LPP: variants seen among roughly 807,000 people sequenced by gnomAD.
LPP encodes LIM domain containing preferred translocation partner in lipoma.
In LPP, 38 loss-of-function variants were observed where a neutral mutation model predicts 60.4. That is an observed-to-expected ratio of 0.63 (90% CI 0.49 to 0.83). The LOEUF is 0.83. Ranked by LOEUF, LPP falls within the 40% of genes least tolerant of loss-of-function variation. LPP has a pLI of 0.00. For missense variants in LPP, 902 were observed against 783.6 expected (o/e 1.15, Z -1.80); for synonymous variants, 328 against 290.8 (o/e 1.13, Z -1.30).
At chr3:188,336,666 G>T (rs1392463155) in intron 2 of LPP, among the ~76,000 whole-genome samples, 1 of 152,156 alleles carries the variant, frequency 6.6e-6, no homozygotes, top group Non-Finnish European at 1.5e-5. Context: ...GCACAGTGGT[G>T]GCTGTATGCC....
chr3:188,600,828 G>A (rs1185127143), intron 6 of LPP, among the ~76,000 whole-genome samples: 1 of 147,866 alleles, frequency 6.8e-6, no homozygotes, highest in African/African-American at 2.6e-5. Context: ...TTTTGTTTTT[G>A]TAACTGGCTT....
intron 9 of LPP, among the ~76,000 whole-genome samples, chr3:188,772,047 G>T (rs1268063570): frequency 6.6e-6 from 1 of 152,188 alleles, no homozygotes; most frequent in African/African-American, 2.4e-5. Context: ...GGACAGCAGG[G>T]AGTTGGGAGG....
At chr3:188,577,774 T>TTCCTTCCTTCCTTCCG in intron 6 of LPP, among the ~76,000 whole-genome samples, 1 of 136,694 alleles carries the variant, frequency 7.3e-6, no homozygotes, top group Non-Finnish European at 1.6e-5. Context: ...CCTTCCTTCC[T>TTCCTTCCTTCCTTCCG]TCCTTCTGTC....
At chr3:188,181,182 G>A (rs1160335534) in intron 1 of LPP, among the ~76,000 whole-genome samples, 4 of 151,828 alleles carry the variant, frequency 2.6e-5, no homozygotes, top group East Asian at 1.9e-4. Context: ...GTGAAACCCC[G>A]TCTCTACTAA....
At chr3:188,208,874 G>GAAT (rs150599025) in intron 1 of LPP, among the ~76,000 whole-genome samples, 5,765 of 152,204 alleles carry the variant, frequency 0.038, 142 homozygotes, top group South Asian at 0.076. Context: ...TTTGTCTTGC[G>GAAT]AATGACCTCA....
chr3:188,270,779 A>T (rs74702706), intron 2 of LPP, among the ~76,000 whole-genome samples: 1 of 152,152 alleles, frequency 6.6e-6, no homozygotes, highest in Admixed American at 6.5e-5. Flanking sequence ...GGAACAGTTT[A>T]TTTTCCCTTT....
rs10708836 is a variant in LPP, at chr3:188,318,753, CTTT to C, written c.-66-22889_-66-22887del. Among the ~76,000 whole-genome samples, 47 of 96,838 alleles carry C rather than the reference CTTT, an allele frequency of 4.9e-4. 1 individual carries two copies. The highest frequency in any genetic ancestry group is 1.7e-3 in the African/African-American group (35 of 20,490). 63.5% of individuals were successfully genotyped at this position (96,838 alleles called of 152,430 possible). A position where few individuals can be genotyped will look rare whatever the true frequency, so the allele number is the denominator to read the frequency against. On this transcript the variant is annotated intron_variant, in intron 2 of 11. Coordinates refer to ENST00000617246, the MANE Select transcript of LPP (RefSeq NM_001375462.1). ...AAAAAATTGAAAAAAAATTATGATT[CTTT>C]TTTTTTTTTTTTTTTTTTTTGAGAC... is the stretch of plus-strand genomic sequence containing the variant.
In LPP at chr3:188,380,814, A is replaced by G. The variant is rs143030570; in HGVS notation, c.-9-25298A>G. On this transcript the variant is annotated intron_variant, in intron 3 of 11. Transcript: ENST00000617246. ...GAAGAATCATTTATCCACCAACAAT[A>G]TTGAACTTTTATTGAGTATTTACAC... Among the ~76,000 whole-genome samples, 7 of 152,370 alleles carry G rather than the reference A, an allele frequency of 4.6e-5. No individual in the cohort carries two copies. In the East Asian group the frequency reaches 1.3e-3, roughly 29 times the overall value.
chr3:188,512,465 T>C (rs1479985142), intron 5 of LPP, among the ~76,000 whole-genome samples: 1 of 122,710 alleles, frequency 8.1e-6, no homozygotes, highest in Non-Finnish European at 1.9e-5. Flanking sequence ...GGCAGGAGAA[T>C]TGCTTGAACC....
intron 2 of LPP, among the ~76,000 whole-genome samples, chr3:188,276,548 G>GTGGA (rs1739772205): frequency 6.6e-6 from 1 of 152,168 alleles, no homozygotes; most frequent in Non-Finnish European, 1.5e-5. Context: ...AGTGCTGGAG[G>GTGGA]TGGAGTCTGG....
chr3:188,728,346 T>C (rs1241574397), intron 8 of LPP, among the ~76,000 whole-genome samples: 1 of 152,310 alleles, frequency 6.6e-6, no homozygotes, highest in East Asian at 1.9e-4. Flanking sequence ...CACTTATAAC[T>C]ATCTGCAAAA....
chr3:188,756,349 T>C (rs2150405860), intron 8 of LPP, among the ~76,000 whole-genome samples: 1 of 152,348 alleles, frequency 6.6e-6, no homozygotes, highest in South Asian at 2.1e-4. Context: ...ATTGACTGAC[T>C]GCTCAGCATT....
chr3:188,878,405 C>T lies in LPP; in HGVS notation c.*3926C>T, dbSNP rs1342060892. The T allele has an allele frequency of 9.3e-6, 2 of 215,770 alleles. No homozygotes were observed. The highest frequency in any genetic ancestry group is 1.9e-5 in the Non-Finnish European group (2 of 106,956). The allele number at this position is 215,770 out of a possible 1,614,324, so 13.4% of individuals were successfully genotyped here. A position where few individuals can be genotyped will look rare whatever the true frequency, so the allele number is the denominator to read the frequency against. ...ATACATTTCTAGAAATATTGCTATT[C>T]TACCTTAGTATTTCACATTTGTAGT... On this transcript the variant is annotated 3_prime_UTR_variant, in exon 12 of 12. Transcript: ENST00000617246.
intron 2 of LPP, among the ~76,000 whole-genome samples, chr3:188,297,599 A>G (rs1283250796): frequency 6.6e-6 from 1 of 152,238 alleles, no homozygotes; most frequent in African/African-American, 2.4e-5. Context: ...ATAGTGATTC[A>G]AGCTGAACAG....
chr3:188,241,092 T>G (rs536009843), intron 2 of LPP, among the ~76,000 whole-genome samples: 1 of 152,216 alleles, frequency 6.6e-6, no homozygotes, highest in Admixed American at 6.5e-5. Flanking sequence ...ATCAGGGAAG[T>G]GTCAATAGAG....
At chr3:188,768,906 A>C (rs752177495) in intron 9 of LPP, among the ~76,000 whole-genome samples, 17 of 152,164 alleles carry the variant, frequency 1.1e-4, no homozygotes, top group Admixed American at 3.3e-4. Context: ...TATTTGTATT[A>C]GTGGGAGACT....
intron 5 of LPP, among the ~76,000 whole-genome samples, chr3:188,518,426 A>G (rs1299730398): frequency 6.6e-6 from 1 of 152,204 alleles, no homozygotes; most frequent in African/African-American, 2.4e-5. Context: ...CTAAATTAAG[A>G]CAGTTTTATA....
intron 2 of LPP, among the ~76,000 whole-genome samples, chr3:188,326,705 T>A (rs1452966912): frequency 2.0e-5 from 3 of 152,242 alleles, no homozygotes; most frequent in Non-Finnish European, 4.4e-5. Flanking sequence ...ACTAGTTTAA[T>A]GATTAGTTTC....
chr3:188,228,836 G>A (rs1179977956), intron 2 of LPP, among the ~76,000 whole-genome samples: 1 of 152,152 alleles, frequency 6.6e-6, no homozygotes, highest in Non-Finnish European at 1.5e-5. Flanking sequence ...TACCTCTCAT[G>A]TTTGCTTAGA....
Sources: allele counts gnomAD v4.1 joint callset (sites outside exome capture counted in the v4.1 genomes callset), GRCh38; gene constraint gnomAD v4.1.1; transcripts MANE v1.5; gene names NCBI Gene and HGNC (gene_info 2026-07-23, HGNC 2026-07-21).